Variants in CTSA observed in about 807,000 individuals in gnomAD.
CTSA encodes cathepsin A.
In CTSA, 42 loss-of-function variants were observed where a neutral mutation model predicts 66.7. The ratio of observed to expected loss-of-function variants is 0.63; its 90% confidence interval spans 0.49 to 0.81. The LOEUF (loss-of-function observed/expected upper bound fraction) is 0.81. Among genes scored for constraint, CTSA ranks in the 40% least tolerant of loss-of-function variants. The pLI, the probability that CTSA is intolerant of heterozygous loss-of-function variation, is 0.00. For synonymous variants in CTSA, 225 were observed against 248.6 expected (o/e 0.91, Z 0.89); for missense variants, 525 against 610.9 (o/e 0.86, Z 1.48).
At position 45,891,338 on chromosome 20, in the gene CTSA, C is replaced by T. The variant is rs765245462; in HGVS notation, c.-42C>T. The T allele has an allele frequency of 1.9e-6, 3 of 1,567,938 alleles. No homozygotes were observed. Among genetic ancestry groups the T allele is most frequent in the East Asian group, 2.3e-5 (1 of 42,604 alleles). On this transcript the variant is annotated 5_prime_UTR_variant, in exon 1 of 15. Transcript: ENST00000646241. The surrounding 1 kb of genome is among the most constrained non-coding windows in gnomAD (Gnocchi z 4.6). The stretch of plus-strand genomic sequence containing the variant: ...GTGACTCGTACACATGACTTCCAGT[C>T]CCCGGGCGCCTCCTGGAGAGCAAGG...
At chr20:45,892,611 C>T (rs1306299613) in intron 5 of CTSA, 114 bp from the exon 6 acceptor site, 4 of 1,503,454 alleles carry the variant, frequency 2.7e-6, no homozygotes, top group African/African-American at 2.8e-5. Flanking sequence ...GGTATGGTGG[C>T]CAGTCACTTC....
At position 45,898,456 on chromosome 20, in the gene CTSA, A is replaced by G. The variant is rs761415731; in HGVS notation, c.*6A>G. The G allele has an allele frequency of 6.8e-6, 11 of 1,613,196 alleles. No individual in the cohort carries two copies. In the Admixed American group the frequency reaches 1.5e-4, roughly 22 times the overall value. On this transcript the variant is annotated 3_prime_UTR_variant, in exon 15 of 15. Transcript: ENST00000646241. This position sits in a 1 kb window ranked among gnomAD's most constrained non-coding sequence, Gnocchi z 4.6. ...TGAACAAGCAGCCATACTGATGACC[A>G]CAGCAACCAGCTCCACGGCCTGATG...
rs1987177019 is a variant in CTSA, at chr20:45,895,075, C to T, written c.1030C>T (p.Pro344Ser). ...AGCTGCTTCCACCTACCTCAACAAC[C>T]CGTACGTGCGGAAGGCCCTCAACAT... ...TTAASTYLNN[P>S]YVRKALNIPE... Residue 344 changes from proline (P) to serine (S), a missense_variant, in exon 11 of 15, where the codon CCG (proline) becomes TCG (serine). Pro to Ser is a moderately conservative substitution (Grantham distance 74). Transcript: ENST00000646241. 6.2e-7 allele frequency: 1 copy of T among 1,614,044 alleles called. No homozygotes were observed. The highest frequency in any genetic ancestry group is 1.7e-5 in the Admixed American group (1 of 59,992).
In CTSA at chr20:45,893,992, T is replaced by C. The variant is rs1226041855; in HGVS notation, c.697T>C (p.Trp233Arg). 1 of 1,603,840 alleles carries C rather than the reference T, an allele frequency of 6.2e-7. No individual in the cohort carries two copies. The highest frequency in any genetic ancestry group is 8.5e-7 in the Non-Finnish European group (1 of 1,170,870). ...TTTCACTCTCATCTCCTACAGGCTT[T>C]GGTCTTCTCTCCAGACCCACTGCTG... Reference protein sequence around the residue: ...YYHGLLGNRLWSSLQTHCCSQ... With the variant: ...YYHGLLGNRLRSSLQTHCCSQ... The change falls in exon 8 of 15, where the codon TGG (tryptophan) becomes CGG (arginine). Residue 233 changes from tryptophan (W) to arginine (R), a missense_variant. Coordinates refer to ENST00000646241, the MANE Select transcript of CTSA (RefSeq NM_000308.4).
rs1986944440 is a variant in CTSA at position 45,891,658 on chromosome 20, C to T, written c.90C>T (p.Pro30=). The change falls in exon 2 of 15, where the codon CCC becomes CCT. Residue 30 remains proline, a synonymous_variant. Coordinates refer to ENST00000646241, the MANE Select transcript of CTSA (RefSeq NM_000308.4). The surrounding 1 kb of genome is among the most constrained non-coding windows in gnomAD (Gnocchi z 4.6). ...GGGCGTCCCGAGGCGAGGCAGCCCCCGACCAGGACGAGATCCAGCGCCTCC... is the reference window on the plus strand; with the variant it reads ...GGGCGTCCCGAGGCGAGGCAGCCCCTGACCAGGACGAGATCCAGCGCCTCC... ...VSWASRGEAA[P]DQDEIQRLPG... 1 of 1,612,466 alleles carries T rather than the reference C, an allele frequency of 6.2e-7. No homozygotes were observed. Among genetic ancestry groups the T allele is most frequent in the Non-Finnish European group, 8.5e-7 (1 of 1,179,902 alleles).
At chr20:45,897,324 G>T (rs1268916163) in intron 12 of CTSA, 3 of 532,620 alleles carry the variant, frequency 5.6e-6, no homozygotes, top group Non-Finnish European at 1.0e-5. Context: ...TCCAGGGTGG[G>T]AGGAGACCTT....
At chr20:45,892,177 G>A in intron 3 of CTSA, 96 bp from the exon 4 acceptor site, 1 of 1,472,260 alleles carries the variant, frequency 6.8e-7, no homozygotes, top group Non-Finnish European at 9.5e-7. Flanking sequence ...GTACCTCTCA[G>A]AGGTTTTACC....
In CTSA at chr20:45,893,239, G is replaced by C; in HGVS notation, c.620G>C (p.Gly207Ala). The change falls in exon 7 of 15, where the codon GGA becomes GCA. Residue 207 changes from glycine to alanine, a missense_variant. This residue lies in a region of CTSA where 246 missense variants were observed against 267.4 expected (regional missense o/e 0.92). Coordinates refer to ENST00000646241, the MANE Select transcript of CTSA (RefSeq NM_000308.4). ...MNLQGLAVGNGLSSYEQNDNS... is the reference protein window; with the variant it reads ...MNLQGLAVGNALSSYEQNDNS... ...TCACAGGGGCTGGCTGTGGGCAATGGACTCTCCTCCTATGAGCAGAATGAC... is the reference window on the plus strand; with the variant it reads ...TCACAGGGGCTGGCTGTGGGCAATGCACTCTCCTCCTATGAGCAGAATGAC... The C allele has an allele frequency of 1.2e-6, 2 of 1,614,140 alleles. No individual in the cohort carries two copies. Among genetic ancestry groups the C allele is most frequent in the Non-Finnish European group, 1.7e-6 (2 of 1,180,012 alleles).
At position 45,892,676 on chromosome 20, in the gene CTSA, C is replaced by A. The variant is rs762635870; in HGVS notation, c.445-49C>A. Reference sequence around the variant, plus strand: ...ATTATCTCTGAAGTTCTTTCCAGTTCAAATACCAAAGCTTCCTGATTCCCT... The same window carrying A: ...ATTATCTCTGAAGTTCTTTCCAGTTAAAATACCAAAGCTTCCTGATTCCCT... On this transcript the variant is annotated intron_variant, in intron 5 of 14. Coordinates refer to ENST00000646241, the MANE Select transcript of CTSA (RefSeq NM_000308.4). 31 of 1,612,706 alleles carry A rather than the reference C, an allele frequency of 1.9e-5. No individual in the cohort carries two copies. In the Admixed American group the frequency reaches 2.5e-4, roughly 13 times the overall value.
rs1052977868 is a variant in CTSA, at chr20:45,892,458, A to G, written c.418A>G (p.Lys140Glu). The stretch of plus-strand genomic sequence containing the variant: ...GGTGGGCTTCTCCTACTCCGATGAC[A>G]AGTTTTATGCAACTAATGACACTGA... ...AGVGFSYSDDKFYATNDTEVA... is the reference protein window; with the variant it reads ...AGVGFSYSDDEFYATNDTEVA... Residue 140 changes from lysine (K) to glutamate (E), a missense_variant, in exon 5 of 15, where the codon AAG (lysine) becomes GAG (glutamate). By Grantham distance (56) the Lys-to-Glu change is moderately conservative (BLOSUM62 1). Coordinates refer to ENST00000646241, the MANE Select transcript of CTSA (RefSeq NM_000308.4). The G allele has an allele frequency of 1.9e-6, 3 of 1,613,984 alleles. No individual in the cohort carries two copies. In the African/African-American group the frequency reaches 4.0e-5, roughly 22 times the overall value.
At chr20:45,892,161 C>A in intron 3 of CTSA, 112 bp from the exon 4 acceptor site, 3 of 1,433,782 alleles carry the variant, frequency 2.1e-6, no homozygotes, top group Non-Finnish European at 3.0e-6. Flanking sequence ...ATTGGCTTTG[C>A]TGCCTGTACC....
chr20:45,895,503 G>A (rs1407137894), intron 11 of CTSA, among the ~76,000 whole-genome samples: 1 of 151,716 alleles, frequency 6.6e-6, no homozygotes, highest in Non-Finnish European at 1.5e-5. Flanking sequence ...TGTACAGATG[G>A]TGTTTTACCA....
intron 6 of CTSA, 147 bp downstream of exon 6, chr20:45,893,027 G>A: frequency 1.9e-6 from 2 of 1,033,586 alleles, no homozygotes; most frequent in Non-Finnish European, 2.9e-6. Flanking sequence ...CTGTCTGTGT[G>A]CCTCCCACAC....
chr20:45,891,520 A>T lies in CTSA; in HGVS notation c.1-49A>T, dbSNP rs910228649. On this transcript the variant is annotated intron_variant, in intron 1 of 14. Coordinates refer to ENST00000646241, the MANE Select transcript of CTSA (RefSeq NM_000308.4). The surrounding 1 kb of genome is among the most constrained non-coding windows in gnomAD (Gnocchi z 4.6). ...CCAGCAACTCCCCGGGGGCTGCTGC[A>T]CGGAAGCGCTGAGGAGCGAGTCAAC... 8.3e-6 allele frequency: 13 copies of T among 1,565,940 alleles called. No individual in the cohort carries two copies. In the African/African-American group the frequency reaches 1.5e-4, roughly 18 times the overall value.
rs761099781 is a variant in CTSA at position 45,892,409 on chromosome 20, G to A, written c.369G>A (p.Val123=). 5.0e-6 allele frequency: 8 copies of A among 1,614,082 alleles called. No individual in the cohort carries two copies. Among genetic ancestry groups the A allele is most frequent in the African/African-American group, 4.0e-5 (3 of 74,924 alleles). ...NPYSWNLIAN[V]LYLESPAGVG... is the part of the protein sequence containing the mutation. Reference sequence around the variant, plus strand: ...TCCCTCCCCTCTAGATTGCCAATGTGTTATACCTGGAGTCCCCAGCTGGGG... The same window carrying A: ...TCCCTCCCCTCTAGATTGCCAATGTATTATACCTGGAGTCCCCAGCTGGGG... The change falls in exon 5 of 15, where the codon GTG becomes GTA. Residue 123 remains valine, a synonymous_variant. Transcript: ENST00000646241.
Position 45,891,717 on chromosome 20 carries a change from A to C in CTSA, c.149A>C (p.Tyr50Ser). Residue 50 changes from tyrosine (Y) to serine (S), a missense_variant, in exon 2 of 15, where the codon TAC becomes TCC. By Grantham distance (144) the Tyr-to-Ser change is moderately radical. This residue lies in a region of CTSA where 246 missense variants were observed against 267.4 expected (regional missense o/e 0.92). Transcript: ENST00000646241. This position sits in a 1 kb window ranked among gnomAD's most constrained non-coding sequence, Gnocchi z 4.6. The part of the protein sequence containing the change: ...GLAKQPSFRQ[Y>S]SGYLKGSGSK... ...GCCAAGCAGCCGTCTTTCCGCCAGT[A>C]CTCCGGCTACCTCAAAGGCTCCGGC... 6.2e-7 allele frequency: 1 copy of C among 1,613,304 alleles called. No individual in the cohort carries two copies. Among genetic ancestry groups the C allele is most frequent in the Non-Finnish European group, 8.5e-7 (1 of 1,179,990 alleles).
chr20:45,898,502 C>CGGGAGAG lies in CTSA; in HGVS notation c.*53_*54insGGAGAGG. ...TGATGCAGCCCCTCCCAGCCTCTCC[C>CGGGAGAG]GCTAGGAGAGTCCTCTTCTAAGCAA... is the stretch of plus-strand genomic sequence containing the variant. On this transcript the variant is annotated 3_prime_UTR_variant, in exon 15 of 15. Transcript: ENST00000646241. This position sits in a 1 kb window ranked among gnomAD's most constrained non-coding sequence, Gnocchi z 4.6. 1 of 1,537,484 alleles carries CGGGAGAG rather than the reference C, an allele frequency of 6.5e-7. No individual in the cohort carries two copies. Among genetic ancestry groups the CGGGAGAG allele is most frequent in the Non-Finnish European group, 9.0e-7 (1 of 1,113,816 alleles).
chr20:45,893,206 T>C lies in CTSA; in HGVS notation c.601-14T>C, dbSNP rs1315456238. 1 of 1,610,048 alleles carries C rather than the reference T, an allele frequency of 6.2e-7. No individual in the cohort carries two copies. The highest frequency in any genetic ancestry group is 8.5e-7 in the Non-Finnish European group (1 of 1,176,366). On this transcript the variant is annotated splice_polypyrimidine_tract_variant and intron_variant, in intron 6 of 14. Transcript: ENST00000646241. ...TGCCCTCCACATGAGCTGAGCACCC[T>C]GGGTGTTTCACAGGGGCTGGCTGTG...
intron 12 of CTSA, 46 bp downstream of exon 12, chr20:45,897,086 C>T: frequency 7.0e-7 from 1 of 1,438,080 alleles, no homozygotes; most frequent in Middle Eastern, 1.8e-4. Flanking sequence ...CTTAGGACCC[C>T]AGAGTAGCAC....
Sources: gnomAD v4.1 joint callset for allele counts (sites outside exome capture counted in the v4.1 genomes callset) on GRCh38, gnomAD v4.1.1 for gene constraint, gnomAD v4.1.1 regional missense constraint, Gnocchi (gnomAD v3.1) non-coding constraint, MANE v1.5 for transcripts, NCBI Gene and HGNC (gene_info 2026-07-23, HGNC 2026-07-21) for gene names.